INTS9: variants seen among roughly 807,000 people sequenced by gnomAD.
The protein encoded by INTS9 is integrator complex subunit 9.
A neutral mutation model predicts 79.7 loss-of-function variants in INTS9; 55 were observed. That is an observed-to-expected ratio of 0.69 (90% confidence interval 0.56 to 0.86). The LOEUF (loss-of-function observed/expected upper bound fraction) is 0.86. Ranked by LOEUF, INTS9 falls within the 40% of genes least tolerant of loss-of-function variation. INTS9 has a pLI of 0.00. For missense variants in INTS9, 721 were observed against 831.5 expected, an observed-to-expected ratio of 0.87 and a Z score of 1.64; for synonymous variants, 319 against 325.2, an observed-to-expected ratio of 0.98 and a Z score of 0.20.
chr8:28,852,278 TC>T (rs1807884376), intron 2 of INTS9, among the ~76,000 whole-genome samples: 1 of 139,884 alleles, frequency 7.1e-6, no homozygotes, highest in Admixed American at 7.8e-5. Flanking sequence ...CTGGTATAAA[TC>T]ACACCTGATA....
At chr8:28,837,826 T>C (rs776260545) in intron 4 of INTS9, 50 bp from the exon 5 acceptor site, 9 of 1,532,190 alleles carry the variant, frequency 5.9e-6, no homozygotes, top group Middle Eastern at 1.7e-4. Flanking sequence ...GATCGATCAA[T>C]ATGATGTGAC....
At chr8:28,813,748 A>T in intron 6 of INTS9, 136 bp from the exon 7 acceptor site, 3 of 929,836 alleles carry the variant, frequency 3.2e-6, no homozygotes, top group Middle Eastern at 2.2e-4. Flanking sequence ...TTCCTTTATG[A>T]CCATTTCTCT....
chr8:28,844,528 A>T (rs1487746015), intron 4 of INTS9, among the ~76,000 whole-genome samples: 2 of 152,098 alleles, frequency 1.3e-5, no homozygotes, highest in African/African-American at 4.8e-5. Context: ...AACAGAGCCA[A>T]TTTAAAAAAA....
At chr8:28,837,503 A>T (rs1806872241) in intron 5 of INTS9, 134 bp downstream of exon 5, 2 of 861,934 alleles carry the variant, frequency 2.3e-6, no homozygotes, top group African/African-American at 1.7e-5. Flanking sequence ...AGAGTCGCTT[A>T]CTCCTGCCTG....
At chr8:28,772,114 GGCCTCCCA>G (rs1276589619) in intron 14 of INTS9, among the ~76,000 whole-genome samples, 1 of 152,154 alleles carries the variant, frequency 6.6e-6, no homozygotes, top group Admixed American at 6.5e-5. Context: ...CTCCTGCCTT[GGCCTCCCA>G]AGGGCTGGGA....
At chr8:28,869,484 G>A (rs963602214) in intron 1 of INTS9, among the ~76,000 whole-genome samples, 4 of 152,196 alleles carry the variant, frequency 2.6e-5, no homozygotes, top group African/African-American at 4.8e-5. Context: ...GCCTAACAGG[G>A]CATATAAGGT....
At chr8:28,778,624 C>T (rs1045602990) in intron 12 of INTS9, among the ~76,000 whole-genome samples, 8 of 152,226 alleles carry the variant, frequency 5.3e-5, no homozygotes, top group Admixed American at 2.0e-4. Context: ...CTCAGCCTGT[C>T]TCCTGAGGGC....
chr8:28,809,296 G>A (rs1804978556), intron 8 of INTS9, among the ~76,000 whole-genome samples: 1 of 152,076 alleles, frequency 6.6e-6, no homozygotes, highest in Non-Finnish European at 1.5e-5. Flanking sequence ...CCATAAACAA[G>A]TGGGTGTGGC....
At chr8:28,781,460 A>C (rs1363536410) in intron 11 of INTS9, among the ~76,000 whole-genome samples, 2 of 152,238 alleles carry the variant, frequency 1.3e-5, no homozygotes, top group African/African-American at 4.8e-5. Flanking sequence ...GGATACAGCC[A>C]CTTTGAAAGA....
chr8:28,794,192 T>G (rs182302810), intron 9 of INTS9, among the ~76,000 whole-genome samples: 3 of 152,358 alleles, frequency 2.0e-5, no homozygotes, highest in South Asian at 4.1e-4. Flanking sequence ...CATTGTCTAA[T>G]CTAGGTCCCT....
intron 1 of INTS9, among the ~76,000 whole-genome samples, chr8:28,872,479 C>G (rs1809149602): frequency 6.6e-6 from 1 of 151,768 alleles, no homozygotes. Flanking sequence ...TTATGGCCAC[C>G]TGGAATAAAA....
chr8:28,882,136 T>C lies in INTS9; in HGVS notation c.9+7738A>G, dbSNP rs545752017. Among the ~76,000 whole-genome samples the C allele has an allele frequency of 3.9e-3, 560 of 145,310 alleles. 1 individual carries two copies. Among genetic ancestry groups the C allele is most frequent in the African/African-American group, 0.014 (523 of 37,590 alleles). On this transcript the variant is annotated intron_variant, in intron 1 of 16. Transcript: ENST00000521022. ...GAAAAATTCTTCTGCCTTGGGATCC[T>C]GTTGATCTGTGACCTTATCCCCAAC...
chr8:28,818,725 T>A (rs1266159097), intron 6 of INTS9, among the ~76,000 whole-genome samples: 1 of 151,994 alleles, frequency 6.6e-6, no homozygotes, highest in African/African-American at 2.4e-5. Context: ...TCAGAAGGAA[T>A]GGTACCAGTT....
chr8:28,820,008 G>C (rs1327861090), intron 6 of INTS9, among the ~76,000 whole-genome samples: 3 of 152,138 alleles, frequency 2.0e-5, no homozygotes, highest in Non-Finnish European at 4.4e-5. Context: ...TTGCTTGGTA[G>C]ATCTTCCTCC....
In INTS9 at chr8:28,769,886, C is replaced by T; in HGVS notation, c.1800+3G>A. 2.5e-6 allele frequency: 4 copies of T among 1,613,668 alleles called. No homozygotes were observed. Among genetic ancestry groups the T allele is most frequent in the South Asian group, 1.1e-5 (1 of 91,034 alleles). On this transcript the variant is annotated splice_donor_region_variant and intron_variant, in intron 16 of 16. Coordinates refer to ENST00000521022, the MANE Select transcript of INTS9 (RefSeq NM_018250.4). ...TTTCACGGCACCAGCGAAACCAGCT[C>T]ACCTTCTCCAGGGTCTGCACGAACT...
chr8:28,845,442 C>A (rs1807452725), intron 4 of INTS9, among the ~76,000 whole-genome samples: 1 of 152,122 alleles, frequency 6.6e-6, no homozygotes. Context: ...GGCTCTAGAA[C>A]CCTAAATATA....
chr8:28,815,907 G>A (rs1438651860), intron 6 of INTS9, among the ~76,000 whole-genome samples: 1 of 152,098 alleles, frequency 6.6e-6, no homozygotes, highest in African/African-American at 2.4e-5. Context: ...TGAGAATACT[G>A]ACCCAGAACA....
chr8:28,875,648 C>T (rs1417168718), intron 1 of INTS9, among the ~76,000 whole-genome samples: 1 of 152,132 alleles, frequency 6.6e-6, no homozygotes, highest in African/African-American at 2.4e-5. Flanking sequence ...TGCTCTCCCT[C>T]CCCCTACCCA....
intron 6 of INTS9, among the ~76,000 whole-genome samples, chr8:28,833,749 T>C (rs1055537041): frequency 2.0e-5 from 3 of 151,752 alleles, no homozygotes; most frequent in African/African-American, 7.3e-5. Context: ...GTGTGGCTGC[T>C]GTGGGGCCTG....
Sources: gnomAD v4.1 joint callset for allele counts (sites outside exome capture counted in the v4.1 genomes callset) on GRCh38, gnomAD v4.1.1 for gene constraint, MANE v1.5 for transcripts, NCBI Gene and HGNC (gene_info 2026-07-23, HGNC 2026-07-21) for gene names.